Variants in ARL15 observed in about 807,000 individuals in gnomAD.
The protein encoded by ARL15 is ADP-ribosylation factor-like protein 15.
Under a neutral mutation model 25.2 loss-of-function variants are expected in ARL15, and 19 were observed. The observed-to-expected ratio is 0.75, with a 90% CI of 0.53 to 1.10. The LOEUF is 1.10. Among genes scored for constraint, ARL15 ranks in the 50% least tolerant of loss-of-function variants. ARL15 has a pLI of 0.00. For synonymous variants in ARL15, 94 were observed against 86.8 expected, an observed-to-expected ratio of 1.08 and a Z score of -0.46; for missense variants, 220 against 246.0, an observed-to-expected ratio of 0.89 and a Z score of 0.71.
intron 1 of ARL15, among the ~76,000 whole-genome samples, chr5:54,221,853 A>G (rs1479033131): frequency 2.0e-5 from 3 of 151,848 alleles, no homozygotes; most frequent in African/African-American, 7.3e-5. Context: ...ACACACACAC[A>G]CACACACACA....
At position 54,209,918 on chromosome 5, in the gene ARL15, C is replaced by G. The variant is rs147397274; in HGVS notation, c.49-37990G>C. On this transcript the variant is annotated intron_variant, in intron 1 of 4. Coordinates refer to ENST00000504924, the MANE Select transcript of ARL15 (RefSeq NM_019087.3). ...TTTTCTTACATGGCAACTTTCTCTTCAAAATATAAAGATACACAGTGACTT... is the reference window on the plus strand; with the variant it reads ...TTTTCTTACATGGCAACTTTCTCTTGAAAATATAAAGATACACAGTGACTT... Among the ~76,000 whole-genome samples the G allele has an allele frequency of 2.7e-3, 413 of 152,096 alleles. 3 individuals carry two copies. Among genetic ancestry groups the G allele is most frequent in the African/African-American group, 9.3e-3 (384 of 41,498 alleles).
At chr5:54,137,711 A>G (rs1049755071) in intron 3 of ARL15, among the ~76,000 whole-genome samples, 2 of 152,178 alleles carry the variant, frequency 1.3e-5, no homozygotes, top group Admixed American at 1.3e-4. Flanking sequence ...TCACAGAGAT[A>G]TTGTTCCAGA....
chr5:54,209,997 G>T (rs1755992488), intron 1 of ARL15, among the ~76,000 whole-genome samples: 1 of 152,086 alleles, frequency 6.6e-6, no homozygotes, highest in Admixed American at 6.5e-5. Flanking sequence ...CTTTGAAAAA[G>T]GAAGAAAAGG....
intron 4 of ARL15, among the ~76,000 whole-genome samples, chr5:53,907,473 TATATATATA>T: frequency 7.2e-5 from 2 of 27,696 alleles, no homozygotes; most frequent in Non-Finnish European, 1.6e-4. Flanking sequence ...TATATATATA[TATATATATA>T]TATATATTTT....
At chr5:54,133,849 G>A (rs929599440) in intron 3 of ARL15, among the ~76,000 whole-genome samples, 2 of 152,068 alleles carry the variant, frequency 1.3e-5, no homozygotes, top group Non-Finnish European at 2.9e-5. Flanking sequence ...ATCAGAAAGG[G>A]AAAGATTAGA....
At chr5:54,101,114 T>C (rs1752420889) in intron 4 of ARL15, among the ~76,000 whole-genome samples, 1 of 152,112 alleles carries the variant, frequency 6.6e-6, no homozygotes, top group Non-Finnish European at 1.5e-5. Context: ...TTTACAAATG[T>C]ATGCATATTT....
chr5:54,310,196 C>G (rs574731045), intron 1 of ARL15: 21 of 465,662 alleles, frequency 4.5e-5, no homozygotes, highest in African/African-American at 3.6e-4. Context: ...GCGCGACCCT[C>G]GCCCTGCAGC....
At chr5:53,985,872 C>G (rs1748282100) in intron 4 of ARL15, among the ~76,000 whole-genome samples, 1 of 152,158 alleles carries the variant, frequency 6.6e-6, no homozygotes, top group Non-Finnish European at 1.5e-5. Flanking sequence ...ACTTTAACAT[C>G]CCCAAATCCA....
chr5:54,125,913 T>C (rs1753238120), intron 3 of ARL15, among the ~76,000 whole-genome samples: 1 of 152,124 alleles, frequency 6.6e-6, no homozygotes, highest in Non-Finnish European at 1.5e-5. Flanking sequence ...GACTCATGAT[T>C]CCCCCAGTCA....
In ARL15 at chr5:54,179,973, G is replaced by A. The variant is rs142515220; in HGVS notation, c.49-8045C>T. ...ACTGAGGTTGCAGTGAGCTGAGATC[G>A]CGCCACTGCTCTCCAGCCTGGGTGA... On this transcript the variant is annotated intron_variant, in intron 1 of 4. Coordinates refer to ENST00000504924, the MANE Select transcript of ARL15 (RefSeq NM_019087.3). Among the ~76,000 whole-genome samples the A allele has an allele frequency of 3.5e-3, 519 of 147,658 alleles. 11 individuals are homozygous for A. In the East Asian group the frequency reaches 0.047, roughly 13 times the overall value.
At chr5:54,088,197 G>GA (rs1054437878) in intron 4 of ARL15, among the ~76,000 whole-genome samples, 10 of 151,960 alleles carry the variant, frequency 6.6e-5, no homozygotes, top group African/African-American at 2.4e-4. Flanking sequence ...AAGACCAAGA[G>GA]AAAAAAACAA....
intron 4 of ARL15, among the ~76,000 whole-genome samples, chr5:53,908,682 T>C (rs564389291): frequency 6.6e-6 from 1 of 152,288 alleles, no homozygotes; most frequent in South Asian, 2.1e-4. Context: ...TGTATTCAGA[T>C]TTTCAAAATG....
chr5:54,194,286 G>A (rs749961704), intron 1 of ARL15, among the ~76,000 whole-genome samples: 5 of 151,956 alleles, frequency 3.3e-5, no homozygotes, highest in Admixed American at 6.6e-5. Context: ...TGAACAAGAC[G>A]AGATAAGTCA....
At chr5:54,076,968 ACTT>A (rs1366107534) in intron 4 of ARL15, among the ~76,000 whole-genome samples, 1 of 152,168 alleles carries the variant, frequency 6.6e-6, no homozygotes, top group Non-Finnish European at 1.5e-5. Context: ...AGGAGTGGTG[ACTT>A]CTTATTAGCT....
chr5:53,932,795 T>C (rs1580093079), intron 4 of ARL15, among the ~76,000 whole-genome samples: 1 of 152,096 alleles, frequency 6.6e-6, no homozygotes, highest in South Asian at 2.1e-4. Flanking sequence ...GCCAAGGGAA[T>C]AGAGATTTGC....
intron 1 of ARL15, among the ~76,000 whole-genome samples, chr5:54,268,187 A>C (rs1389012229): frequency 6.6e-6 from 1 of 151,654 alleles, no homozygotes; most frequent in Non-Finnish European, 1.5e-5. Flanking sequence ...TTTTTTCTCT[A>C]AACTTCCTTC....
chr5:53,889,806 GAC>G (rs1744654782), intron 4 of ARL15, among the ~76,000 whole-genome samples: 1 of 142,508 alleles, frequency 7.0e-6, no homozygotes, highest in Non-Finnish European at 1.5e-5. Flanking sequence ...TTCTAGTTCT[GAC>G]TGTTTTTTTT....
At chr5:54,015,069 G>A (rs1165169468) in intron 4 of ARL15, among the ~76,000 whole-genome samples, 1 of 151,902 alleles carries the variant, frequency 6.6e-6, no homozygotes. Context: ...AAGGCAGGTA[G>A]ATCACCTGAA....
chr5:54,029,375 C>CACT, intron 4 of ARL15, among the ~76,000 whole-genome samples: 1 of 134,136 alleles, frequency 7.5e-6, no homozygotes, highest in South Asian at 2.4e-4. Context: ...CCACCACCAC[C>CACT]ACTACACCTA....
Sources: allele counts gnomAD v4.1 joint callset (sites outside exome capture counted in the v4.1 genomes callset), GRCh38; gene constraint gnomAD v4.1.1; transcripts MANE v1.5; gene names NCBI Gene and HGNC (gene_info 2026-07-23, HGNC 2026-07-21).